NETO2: variants seen among roughly 807,000 people sequenced by gnomAD.
NETO2 encodes neuropilin and tolloid-like protein 2.
NETO2 carries 28 observed loss-of-function variants against 62.5 expected under a neutral mutation model. The observed-to-expected ratio is 0.45, with a 90% CI of 0.33 to 0.61. The LOEUF (loss-of-function observed/expected upper bound fraction) is 0.61. Ranked by LOEUF, NETO2 falls within the 20% of genes least tolerant of loss-of-function variation. The pLI is 0.02. For synonymous variants in NETO2, 214 were observed against 219.1 expected (o/e 0.98, Z 0.21); for missense variants, 548 against 643.2 (o/e 0.85, Z 1.60).
chr16:47,140,018 G>A (rs969575951), intron 1 of NETO2, among the ~76,000 whole-genome samples: 1 of 152,292 alleles, frequency 6.6e-6, no homozygotes, highest in African/African-American at 2.4e-5. Context: ...ATGTCATTTT[G>A]ATTAGAAAGG....
At chr16:47,106,526 C>T (rs1005308731) in intron 7 of NETO2, among the ~76,000 whole-genome samples, 7 of 151,838 alleles carry the variant, frequency 4.6e-5, no homozygotes, top group Non-Finnish European at 8.8e-5. Flanking sequence ...CAATATCTAA[C>T]GAAATTACAC....
At chr16:47,128,238 C>T in intron 4 of NETO2, 87 bp downstream of exon 4, 1 of 1,466,406 alleles carries the variant, frequency 6.8e-7, no homozygotes, top group South Asian at 1.4e-5. Context: ...TTAACTTGAC[C>T]AAATTAATCT....
At chr16:47,139,157 G>T (rs934013550) in intron 1 of NETO2, among the ~76,000 whole-genome samples, 11 of 152,242 alleles carry the variant, frequency 7.2e-5, no homozygotes, top group African/African-American at 2.4e-4. Flanking sequence ...AGACTGTCTG[G>T]CCTCAACAGT....
intron 1 of NETO2, among the ~76,000 whole-genome samples, chr16:47,142,822 T>G (rs1964487218): frequency 6.6e-6 from 1 of 152,254 alleles, no homozygotes; most frequent in Non-Finnish European, 1.5e-5. Context: ...TTTAGAGCTC[T>G]GTGCTCTGGA....
chr16:47,135,493 G>T (rs532399938), intron 1 of NETO2, among the ~76,000 whole-genome samples: 1 of 152,146 alleles, frequency 6.6e-6, no homozygotes, highest in East Asian at 1.9e-4. Flanking sequence ...GCTTGAAAAA[G>T]GTAATGTCCA....
At chr16:47,122,962 A>G in intron 4 of NETO2, 50 bp from the exon 5 acceptor site, 1 of 1,541,306 alleles carries the variant, frequency 6.5e-7, no homozygotes, top group Non-Finnish European at 8.9e-7. Context: ...AGTTACTTTA[A>G]TCCTCGATGT....
chr16:47,101,799 A>G (rs1159780870), intron 7 of NETO2, among the ~76,000 whole-genome samples: 1 of 152,232 alleles, frequency 6.6e-6, no homozygotes, highest in Non-Finnish European at 1.5e-5. Flanking sequence ...AAACAAATGT[A>G]AAAACATTCC....
At chr16:47,141,729 G>C (rs1475537805) in intron 1 of NETO2, among the ~76,000 whole-genome samples, 3 of 152,172 alleles carry the variant, frequency 2.0e-5, no homozygotes, top group Admixed American at 6.5e-5. Context: ...AAATACTCCA[G>C]CATGTAAAAA....
rs926276261 is a variant in NETO2, at chr16:47,078,403, G to A, written c.*4818C>T. 1 of 152,170 alleles carries A rather than the reference G, an allele frequency of 6.6e-6. No individual in the cohort carries two copies. Among genetic ancestry groups the A allele is most frequent in the African/African-American group, 2.4e-5 (1 of 41,436 alleles). The allele number at this position is 152,170 out of a possible 1,614,324, so 9.4% of individuals were successfully genotyped here. ...ATTAAGCATATTCTCATATGGCCTG[G>A]AAGTTCATCTCTAATAAAAATCTAC... On this transcript the variant is annotated 3_prime_UTR_variant, in exon 9 of 9. Coordinates refer to ENST00000562435, the MANE Select transcript of NETO2 (RefSeq NM_018092.5).
intron 6 of NETO2, among the ~76,000 whole-genome samples, chr16:47,115,975 C>A (rs1428486384): frequency 6.6e-6 from 1 of 151,610 alleles, no homozygotes; most frequent in Non-Finnish European, 1.5e-5. Context: ...ATATAGACAA[C>A]GATATCTTCA....
intron 7 of NETO2, among the ~76,000 whole-genome samples, chr16:47,092,431 A>G (rs1460348009): frequency 6.6e-6 from 1 of 152,180 alleles, no homozygotes; most frequent in East Asian, 1.9e-4. Context: ...TGTTAGTGGG[A>G]TACTTTACAT....
At chr16:47,102,467 A>G (rs1352377682) in intron 7 of NETO2, among the ~76,000 whole-genome samples, 1 of 152,192 alleles carries the variant, frequency 6.6e-6, no homozygotes, top group Non-Finnish European at 1.5e-5. Flanking sequence ...GAGCTTCTGC[A>G]CAGCAAAAGA....
chr16:47,128,192 T>A, intron 4 of NETO2, 133 bp downstream of exon 4: 1 of 1,136,544 alleles, frequency 8.8e-7, no homozygotes, highest in Non-Finnish European at 1.2e-6. Context: ...CTAATTTCCC[T>A]TTGACTTTGC....
intron 7 of NETO2, among the ~76,000 whole-genome samples, chr16:47,103,451 A>T (rs1050623485): frequency 2.6e-5 from 4 of 152,204 alleles, no homozygotes; most frequent in Non-Finnish European, 4.4e-5. Context: ...ATAAAAAAAA[A>T]TTAACACTAA....
intron 7 of NETO2, among the ~76,000 whole-genome samples, chr16:47,097,130 T>G (rs1352360361): frequency 6.6e-6 from 1 of 152,174 alleles, no homozygotes; most frequent in Non-Finnish European, 1.5e-5. Flanking sequence ...TGCAGAAGTT[T>G]TTTTTCATAC....
At chr16:47,132,111 A>G in intron 1 of NETO2, 86 bp from the exon 2 acceptor site, 1 of 1,003,556 alleles carries the variant, frequency 1.0e-6, no homozygotes, top group Non-Finnish European at 1.5e-6. Flanking sequence ...GATGACAAAA[A>G]AAGATTAACT....
intron 4 of NETO2, among the ~76,000 whole-genome samples, chr16:47,123,145 C>T (rs1008433979): frequency 6.6e-6 from 1 of 152,208 alleles, no homozygotes; most frequent in Non-Finnish European, 1.5e-5. Flanking sequence ...TGCAAACTCA[C>T]ATCAACTGTC....
At chr16:47,116,733 C>T (rs1442892402) in intron 6 of NETO2, among the ~76,000 whole-genome samples, 1 of 152,086 alleles carries the variant, frequency 6.6e-6, no homozygotes, top group Non-Finnish European at 1.5e-5. Flanking sequence ...GCCAGCGAAC[C>T]CATCTAGGCC....
chr16:47,128,191 C>T, intron 4 of NETO2, 134 bp downstream of exon 4: 1 of 1,121,400 alleles, frequency 8.9e-7, no homozygotes, highest in East Asian at 2.4e-5. Context: ...ACTAATTTCC[C>T]TTTGACTTTG....
Sources: gnomAD v4.1 joint callset for allele counts (sites outside exome capture counted in the v4.1 genomes callset) on GRCh38, gnomAD v4.1.1 for gene constraint, MANE v1.5 for transcripts, NCBI Gene and HGNC (gene_info 2026-07-23, HGNC 2026-07-21) for gene names.